MRPL21: variants seen among roughly 807,000 people sequenced by gnomAD.
MRPL21 encodes large ribosomal subunit protein bL21m.
Under a neutral mutation model 27.3 loss-of-function variants are expected in MRPL21, and 20 were observed. That is an observed-to-expected ratio of 0.73 (90% CI 0.52 to 1.06). MRPL21 has a LOEUF of 1.06. Among genes scored for constraint, MRPL21 ranks in the 50% least tolerant of loss-of-function variants. MRPL21 has a pLI of 0.00. For missense variants in MRPL21, 249 were observed against 251.4 expected (o/e 0.99, Z 0.06); for synonymous variants, 98 against 101.5 (o/e 0.97, Z 0.21).
chr11:68,902,320 T>C (rs983814049), intron 1 of MRPL21, among the ~76,000 whole-genome samples: 4 of 152,234 alleles, frequency 2.6e-5, no homozygotes, highest in Admixed American at 2.0e-4. Context: ...TCCTGCCTAC[T>C]TAAACCTAAG....
chr11:68,897,630 TG>T, intron 3 of MRPL21: 1 of 460,564 alleles, frequency 2.2e-6, no homozygotes, highest in Non-Finnish European at 3.9e-6. Flanking sequence ...CTGTGCTAAC[TG>T]GGGAGAGCTG....
intron 6 of MRPL21, chr11:68,891,701 C>G (rs1416090344): frequency 1.8e-6 from 1 of 542,244 alleles, no homozygotes; most frequent in Non-Finnish European, 3.3e-6. Flanking sequence ...ATGGCCCCAC[C>G]TGAGTGACCT....
rs371948099 is a variant in MRPL21, at chr11:68,891,541, C to T, written c.554-146G>A. Reference sequence around the variant, plus strand: ...ATGGCCGTGTTTATCTCCAGGTGTGCACTGACTGCCTCGCTAGCTTGTTCG... The same window carrying T: ...ATGGCCGTGTTTATCTCCAGGTGTGTACTGACTGCCTCGCTAGCTTGTTCG... On this transcript the variant is annotated intron_variant, in intron 6 of 6. Coordinates refer to ENST00000362034, the MANE Select transcript of MRPL21 (RefSeq NM_181514.2). The T allele has an allele frequency of 5.2e-6, 4 of 767,550 alleles. No homozygotes were observed. In the East Asian group the frequency reaches 9.9e-5, roughly 19 times the overall value. 47.5% of individuals were successfully genotyped at this position (767,550 alleles called of 1,614,324 possible).
At chr11:68,898,780 T>G (rs1047679685) in intron 2 of MRPL21, among the ~76,000 whole-genome samples, 2 of 151,864 alleles carry the variant, frequency 1.3e-5, no homozygotes, top group Admixed American at 6.6e-5. Context: ...ATGCCAAGCT[T>G]GGTGCGGGCA....
chr11:68,899,285 T>C (rs1174406187), intron 2 of MRPL21, among the ~76,000 whole-genome samples: 1 of 152,222 alleles, frequency 6.6e-6, no homozygotes, highest in African/African-American at 2.4e-5. Flanking sequence ...TTATTGCTGC[T>C]GCCACTGCAA....
chr11:68,900,941 C>T (rs766989470), intron 1 of MRPL21, among the ~76,000 whole-genome samples: 39 of 152,240 alleles, frequency 2.6e-4, no homozygotes, highest in Admixed American at 5.2e-4. Context: ...TGCTGGGCCC[C>T]GCCTCCTGCT....
chr11:68,900,617 A>C lies in MRPL21; in HGVS notation c.89-12T>G. ...AGACCAAAGGGAGGCTGAGGGAAGA[A>C]GAGAAACACAGATCATTACCATTAA... On this transcript the variant is annotated splice_polypyrimidine_tract_variant and intron_variant, in intron 1 of 6. Coordinates refer to ENST00000362034, the MANE Select transcript of MRPL21 (RefSeq NM_181514.2). 4 of 1,607,708 alleles carry C rather than the reference A, an allele frequency of 2.5e-6. No individual in the cohort carries two copies. Among genetic ancestry groups the C allele is most frequent in the Non-Finnish European group, 3.4e-6 (4 of 1,174,172 alleles).
intron 1 of MRPL21, 76 bp from the exon 2 acceptor site, chr11:68,900,681 A>G: frequency 7.9e-7 from 1 of 1,267,490 alleles, no homozygotes; most frequent in Non-Finnish European, 1.2e-6. Flanking sequence ...TGCTAAATGC[A>G]CAGCTGCTGC....
At chr11:68,891,886 C>T (rs1566412944) in intron 6 of MRPL21, 1 of 487,626 alleles carries the variant, frequency 2.1e-6, no homozygotes. Flanking sequence ...TGCAGCCGCT[C>T]AGCTATGTGG....
intron 1 of MRPL21, 69 bp downstream of exon 1, chr11:68,903,654 T>C (rs1858035495): frequency 1.3e-6 from 2 of 1,529,514 alleles, no homozygotes; most frequent in Middle Eastern, 1.7e-4. Context: ...CCCAGGCACA[T>C]ACGTGGCGAG....
intron 4 of MRPL21, among the ~76,000 whole-genome samples, chr11:68,895,493 T>C (rs1477245880): frequency 2.7e-5 from 4 of 150,502 alleles, no homozygotes; most frequent in Non-Finnish European, 4.4e-5. Context: ...CAACTAAAAA[T>C]ATAAAAATTA....
At chr11:68,900,632 A>T in intron 1 of MRPL21, 27 bp from the exon 2 acceptor site, 1 of 1,586,056 alleles carries the variant, frequency 6.3e-7, no homozygotes, top group Non-Finnish European at 8.7e-7. Flanking sequence ...AACACAGATC[A>T]TTACCATTAA....
intron 2 of MRPL21, among the ~76,000 whole-genome samples, chr11:68,899,509 C>G (rs1198275496): frequency 6.6e-6 from 1 of 152,158 alleles, no homozygotes; most frequent in Admixed American, 6.5e-5. Context: ...ACTCCGTGAT[C>G]TGTGGTTGGT....
rs7118240 is a variant in MRPL21, at chr11:68,897,782, T to C, written c.232+145A>G. On this transcript the variant is annotated intron_variant, in intron 3 of 6. Coordinates refer to ENST00000362034, the MANE Select transcript of MRPL21 (RefSeq NM_181514.2). ...AAATTCTGGTGTTAACTGGTGAAAA[T>C]GGACATGAGTGCTGGCACTGTGCTG... 2.3e-4 allele frequency: 142 copies of C among 614,140 alleles called. No individual in the cohort carries two copies. The African/African-American group carries it at 2.5e-3, about 11-fold the overall frequency. 38.0% of individuals were successfully genotyped at this position (614,140 alleles called of 1,614,324 possible). A position where few individuals can be genotyped will look rare whatever the true frequency, so the allele number is the denominator to read the frequency against.
At chr11:68,901,716 A>G (rs1413544074) in intron 1 of MRPL21, among the ~76,000 whole-genome samples, 1 of 151,966 alleles carries the variant, frequency 6.6e-6, no homozygotes, top group Non-Finnish European at 1.5e-5. Context: ...AAACACCCCC[A>G]ATGTGCTGGT....
At position 68,893,011 on chromosome 11, in the gene MRPL21, CA is replaced by C. The variant is rs1857691052; in HGVS notation, c.450-19del. On this transcript the variant is annotated intron_variant, in intron 5 of 6. Coordinates refer to ENST00000362034, the MANE Select transcript of MRPL21 (RefSeq NM_181514.2). ...GATCCTTTCTAGAAGGAAGAAAAAT[CA>C]ACAATAATGTACCTTTTGGATTATT... The C allele has an allele frequency of 6.5e-7, 1 of 1,546,588 alleles. No individual in the cohort carries two copies. The highest frequency in any genetic ancestry group is 2.1e-5 in the Admixed American group (1 of 48,102).
At chr11:68,894,765 G>A (rs535849061) in intron 4 of MRPL21, among the ~76,000 whole-genome samples, 38 of 152,330 alleles carry the variant, frequency 2.5e-4, no homozygotes, top group African/African-American at 8.9e-4. Context: ...CATGACATGT[G>A]CACTCCCACT....
intron 1 of MRPL21, 59 bp from the exon 2 acceptor site, chr11:68,900,664 T>C: frequency 1.4e-6 from 2 of 1,404,014 alleles, no homozygotes; most frequent in South Asian, 2.3e-5. Context: ...CAAACTGCCC[T>C]TTATGATGCT....
intron 2 of MRPL21, 61 bp from the exon 3 acceptor site, chr11:68,898,073 T>C: frequency 7.5e-7 from 1 of 1,336,782 alleles, no homozygotes; most frequent in Non-Finnish European, 1.1e-6. Context: ...TCAAATCCTC[T>C]AAGAAATGGC....
Sources: allele counts gnomAD v4.1 joint callset (sites outside exome capture counted in the v4.1 genomes callset), GRCh38; gene constraint gnomAD v4.1.1; transcripts MANE v1.5; gene names NCBI Gene and HGNC (gene_info 2026-07-23, HGNC 2026-07-21).